POLA1: variants seen among roughly 807,000 people sequenced by gnomAD.
POLA1 encodes the protein DNA polymerase alpha catalytic subunit.
In POLA1, 15 loss-of-function variants were observed where a neutral mutation model predicts 124.0. That is an observed-to-expected ratio of 0.12 (90% CI 0.08 to 0.19). The LOEUF is 0.19. Ranked by LOEUF, POLA1 falls within the 10% of genes least tolerant of loss-of-function variation. The pLI is 1.00. For missense variants in POLA1, 886 were observed against 1,103.4 expected, an observed-to-expected ratio of 0.80 and a Z score of 2.79; for synonymous variants, 408 against 389.4, an observed-to-expected ratio of 1.05 and a Z score of -0.56.
rs1261910110 is a variant in POLA1, at chrX:24,972,271, G to A, written c.4262-23534G>A. ...CAGGCGTGAGCCACCGGGCCTGGCC[G>A]GAGGATTTAATTTTTAAAGTTGCTA... On this transcript the variant is annotated intron_variant, in intron 36 of 36. Coordinates refer to ENST00000379068, the MANE Select transcript of POLA1 (RefSeq NM_001330360.2). Among the ~76,000 whole-genome samples the A allele has an allele frequency of 4.5e-5, 5 of 112,097 alleles. No homozygotes were observed. In the South Asian group the frequency reaches 1.8e-3, roughly 41 times the overall value.
intron 24 of POLA1, among the ~76,000 whole-genome samples, chrX:24,747,928 G>C (rs1375386105): frequency 1.8e-5 from 2 of 111,051 alleles, no homozygotes; most frequent in East Asian, 5.7e-4. Flanking sequence ...TAGAGACGGG[G>C]TTTCACCATG....
At chrX:24,889,417 A>G (rs2047114138) in intron 35 of POLA1, among the ~76,000 whole-genome samples, 1 of 112,230 alleles carries the variant, frequency 8.9e-6, no homozygotes, top group African/African-American at 3.2e-5. Context: ...TGGGCTAGCT[A>G]AAATTAAACA....
At chrX:24,791,035 A>G (rs981369851) in intron 26 of POLA1, among the ~76,000 whole-genome samples, 5 of 108,575 alleles carry the variant, frequency 4.6e-5, no homozygotes, top group Non-Finnish European at 9.5e-5. Flanking sequence ...AAAGCAGGCA[A>G]TATGCTTACT....
intron 36 of POLA1, among the ~76,000 whole-genome samples, chrX:24,995,058 A>G (rs1485885898): frequency 9.3e-6 from 1 of 107,191 alleles, no homozygotes; most frequent in African/African-American, 3.4e-5. Context: ...CTCTGTCTCA[A>G]AAAAAAAAAA....
At chrX:24,885,768 C>T (rs1421394765) in intron 34 of POLA1, among the ~76,000 whole-genome samples, 1 of 111,944 alleles carries the variant, frequency 8.9e-6, no homozygotes, top group Non-Finnish European at 1.9e-5. Flanking sequence ...TCGTGATCTG[C>T]CCGCCTCGGC....
intron 35 of POLA1, among the ~76,000 whole-genome samples, chrX:24,902,522 A>G (rs2047296627): frequency 8.9e-6 from 1 of 112,037 alleles, no homozygotes; most frequent in Non-Finnish European, 1.9e-5. Context: ...GTATCAGACT[A>G]TGCCCTTCTT....
intron 36 of POLA1, among the ~76,000 whole-genome samples, chrX:24,954,177 T>A (rs191205134): frequency 3.5e-5 from 4 of 112,788 alleles, no homozygotes; most frequent in African/African-American, 1.3e-4. Context: ...GCTTTTAAAA[T>A]TAAATATGCT....
intron 26 of POLA1, among the ~76,000 whole-genome samples, chrX:24,807,792 C>A (rs188829635): frequency 1.5e-3 from 162 of 111,245 alleles, no homozygotes; most frequent in Admixed American, 4.4e-3. Flanking sequence ...CTGGGCCAGT[C>A]AGCTCATGCA....
intron 20 of POLA1, among the ~76,000 whole-genome samples, chrX:24,740,397 C>T (rs1027228807): frequency 1.8e-5 from 2 of 111,170 alleles, no homozygotes; most frequent in African/African-American, 6.5e-5. Flanking sequence ...AGCTGCTATC[C>T]TCTTTCCCCT....
intron 36 of POLA1, among the ~76,000 whole-genome samples, chrX:24,958,197 G>C (rs1011100169): frequency 3.6e-5 from 4 of 111,959 alleles, no homozygotes; most frequent in African/African-American, 1.3e-4. Context: ...AGTCATTCCA[G>C]AGACACTAAG....
intron 34 of POLA1, among the ~76,000 whole-genome samples, chrX:24,864,938 A>G (rs142853925): frequency 0.013 from 1,494 of 112,063 alleles, 14 homozygotes; most frequent in Non-Finnish European, 0.021. Flanking sequence ...TTACGTATGT[A>G]CGTTTTTAAA....
At chrX:24,721,921 A>G (rs760997328) in intron 10 of POLA1, among the ~76,000 whole-genome samples, 1 of 110,099 alleles carries the variant, frequency 9.1e-6, no homozygotes, top group African/African-American at 3.3e-5. Context: ...TAATTTTCTG[A>G]GTTACTGTGA....
intron 34 of POLA1, among the ~76,000 whole-genome samples, chrX:24,883,569 A>G (rs1301565830): frequency 2.7e-5 from 3 of 112,349 alleles, no homozygotes; most frequent in East Asian, 5.6e-4. Flanking sequence ...ATTTGACACA[A>G]TTTCATACAC....
chrX:24,850,873 A>G (rs1403040101), intron 34 of POLA1, among the ~76,000 whole-genome samples: 1 of 112,261 alleles, frequency 8.9e-6, no homozygotes, highest in Non-Finnish European at 1.9e-5. Context: ...TAGTGAATGA[A>G]CATGGCTCAG....
intron 35 of POLA1, among the ~76,000 whole-genome samples, chrX:24,905,562 C>CTT (rs2047353844): frequency 1.1e-5 from 1 of 89,208 alleles, no homozygotes; most frequent in Non-Finnish European, 2.2e-5. Flanking sequence ...ACCCCCCCCC[C>CTT]CTTTTTTTTT....
intron 36 of POLA1, among the ~76,000 whole-genome samples, chrX:24,959,437 C>T (rs1160853625): frequency 1.9e-5 from 2 of 107,471 alleles, no homozygotes; most frequent in Admixed American, 1.0e-4. Flanking sequence ...GCACCCCAGC[C>T]TGGGTGACAG....
chrX:24,792,113 CTT>C (rs1248375568), intron 26 of POLA1, among the ~76,000 whole-genome samples: 1 of 111,547 alleles, frequency 9.0e-6, no homozygotes, highest in African/African-American at 3.3e-5. Flanking sequence ...AGGAGAAAGA[CTT>C]TTTTTTATTG....
chrX:24,863,965 TTTA>T (rs2046756750), intron 34 of POLA1, among the ~76,000 whole-genome samples: 1 of 94,986 alleles, frequency 1.1e-5, no homozygotes, highest in African/African-American at 5.1e-5. Context: ...GAACTATTTA[TTTA>T]TTTATTTATT....
intron 28 of POLA1, among the ~76,000 whole-genome samples, chrX:24,811,379 T>C (rs763245889): frequency 1.8e-5 from 2 of 110,356 alleles, no homozygotes; most frequent in East Asian, 5.7e-4. Flanking sequence ...AACCTCTGAC[T>C]CCCTGCTTCA....
Sources: gnomAD v4.1 joint callset for allele counts (sites outside exome capture counted in the v4.1 genomes callset) on GRCh38, gnomAD v4.1.1 for gene constraint, MANE v1.5 for transcripts, NCBI Gene and HGNC (gene_info 2026-07-23, HGNC 2026-07-21) for gene names.